Variants in DUSP15 observed in about 807,000 individuals in gnomAD.
The protein encoded by DUSP15 is dual specificity protein phosphatase 15.
A neutral mutation model predicts 26.3 loss-of-function variants in DUSP15; 23 were observed. The observed-to-expected ratio is 0.87, with a 90% CI of 0.63 to 1.24. The LOEUF (loss-of-function observed/expected upper bound fraction) is 1.24. Ranked by LOEUF, DUSP15 falls within the 50% of genes most tolerant of loss-of-function variation. DUSP15 has a pLI of 0.00. For synonymous variants in DUSP15, 143 were observed against 135.5 expected (o/e 1.06, Z -0.39); for missense variants, 364 against 320.6 (o/e 1.14, Z -1.03).
intron 6 of DUSP15, 36 bp downstream of exon 6, chr20:31,862,535 C>A (rs1336039139): frequency 1.9e-6 from 3 of 1,554,888 alleles, no homozygotes; most frequent in East Asian, 2.3e-5. Context: ...GGATCTCCCA[C>A]CCCTGGCCCA....
intron 3 of DUSP15, among the ~76,000 whole-genome samples, chr20:31,865,347 C>T (rs1436835148): frequency 6.6e-6 from 1 of 151,870 alleles, no homozygotes; most frequent in East Asian, 1.9e-4. Context: ...AAAATTACAT[C>T]GTAAAAAAGG....
rs2123330348 is a variant in DUSP15, at chr20:31,870,284, G to A, written c.21+33C>T. The A allele has an allele frequency of 1.6e-6, 2 of 1,228,578 alleles. No individual in the cohort carries two copies. The highest frequency in any genetic ancestry group is 4.1e-5 in the South Asian group (1 of 24,374). 76.1% of individuals were successfully genotyped at this position (1,228,578 alleles called of 1,614,324 possible). ...GCCGGGCCGCGGCGGCCGGGGCGGG[G>A]ACCGGGGAGGCTGCGCGGGGCCCGC... On this transcript the variant is annotated intron_variant, in intron 1 of 6. Coordinates refer to ENST00000339738, the MANE Select transcript of DUSP15 (RefSeq NM_080611.5). This position sits in a 1 kb window ranked among gnomAD's most constrained non-coding sequence, Gnocchi z 6.6.
intron 8 of DUSP15, chr20:31,849,697 T>C (rs1251733178): frequency 6.5e-7 from 1 of 1,534,412 alleles, no homozygotes; most frequent in Non-Finnish European, 8.7e-7. Flanking sequence ...CGGCAGGCCC[T>C]GCAACACGTG....
intron 3 of DUSP15, among the ~76,000 whole-genome samples, chr20:31,865,783 C>A (rs1281558302): frequency 6.6e-6 from 1 of 152,146 alleles, no homozygotes; most frequent in Non-Finnish European, 1.5e-5. Flanking sequence ...CACTTTGCAA[C>A]ACATTTGGCC....
chr20:31,866,227 C>G (rs2062761818), intron 3 of DUSP15, among the ~76,000 whole-genome samples: 1 of 152,204 alleles, frequency 6.6e-6, no homozygotes. Flanking sequence ...ATGGTTCTTT[C>G]TCTCCAGTGG....
At chr20:31,845,684 G>A, downstream of DUSP15, 1 of 994,908 alleles carries the variant, frequency 1.0e-6, no homozygotes, top group South Asian at 1.7e-5. Flanking sequence ...GGGTGGGTCT[G>A]CTGAGCCATC....
upstream of DUSP15, chr20:31,870,536 A>AGCCGCCGCTGCCACCGCC: frequency 6.9e-7 from 1 of 1,448,616 alleles, no homozygotes; most frequent in Non-Finnish European, 9.1e-7. The surrounding 1 kb of genome is among the most constrained non-coding windows in gnomAD (Gnocchi z 6.6). Flanking sequence ...ATGGTGGTGG[A>AGCCGCCGCTGCCACCGCC]GCCGCCGCTG....
At chr20:31,849,673 C>A in intron 8 of DUSP15, 1 of 1,529,370 alleles carries the variant, frequency 6.5e-7, no homozygotes. Context: ...CTGCACACCG[C>A]GCTCCAGGTG....
At chr20:31,845,629 T>A, downstream of DUSP15, 1 of 1,504,774 alleles carries the variant, frequency 6.6e-7, no homozygotes. Flanking sequence ...CCAGGCTGGT[T>A]AAAAGGTCCA....
In DUSP15 at chr20:31,870,101, G is replaced by A. The variant is rs1433035804; in HGVS notation, c.21+216C>T. On this transcript the variant is annotated intron_variant, in intron 1 of 6. Transcript: ENST00000339738. This position sits in a 1 kb window ranked among gnomAD's most constrained non-coding sequence, Gnocchi z 6.6. The stretch of plus-strand genomic sequence containing the variant: ...AGCAAGACAGCGAGAGACACACAGA[G>A]TCACGGAGAGAGGGCGGACACAGCG... 6.4e-6 allele frequency: 8 copies of A among 1,247,984 alleles called. No homozygotes were observed. In the East Asian group the frequency reaches 1.6e-4, roughly 25 times the overall value. The allele number at this position is 1,247,984 out of a possible 1,614,324, so 77.3% of individuals were successfully genotyped here.
intron 7 of DUSP15, chr20:31,850,496 T>A: frequency 3.7e-6 from 4 of 1,079,862 alleles, no homozygotes; most frequent in Non-Finnish European, 5.5e-6. Flanking sequence ...GTTGTGGCTA[T>A]TATTGGGAGC....
At chr20:31,850,086 G>A (rs1464542448) in intron 7 of DUSP15, among the ~76,000 whole-genome samples, 1 of 152,220 alleles carries the variant, frequency 6.6e-6, no homozygotes, top group Non-Finnish European at 1.5e-5. Flanking sequence ...TGATAGTCGA[G>A]CTCTGCGGTT....
rs546061774 is a variant in DUSP15 at position 31,849,774 on chromosome 20, C to T, written c.592G>A (p.Glu198Lys). 225 of 1,539,714 alleles carry T rather than the reference C, an allele frequency of 1.5e-4. No homozygotes were observed. The African/African-American group carries it at 2.7e-3, about 19-fold the overall frequency. ...TGAGGTGGCGGCCCCAGCAGGCGCT[C>T]GGCGGCCGCCCGCGGACTCAGACGA... Residue 198 changes from glutamate (E) to lysine (K), a missense_variant, in exon 8 of 10, where the codon GAG becomes AAG. Glu to Lys is a moderately conservative substitution (Grantham distance 56). Transcript: ENST00000278979.
At chr20:31,866,988 G>A in intron 3 of DUSP15, 83 bp downstream of exon 3, 1 of 1,303,632 alleles carries the variant, frequency 7.7e-7, no homozygotes, top group Non-Finnish European at 1.1e-6. Context: ...AGGAAGCATA[G>A]CACCTAGCAC....
At position 31,849,260 on chromosome 20, in the gene DUSP15, C is replaced by T. The variant is rs1274186182; in HGVS notation, c.629-357G>A. Among the ~76,000 whole-genome samples, 3 of 152,220 alleles carry T rather than the reference C, an allele frequency of 2.0e-5. No individual in the cohort carries two copies. In the East Asian group the frequency reaches 5.8e-4, roughly 29 times the overall value. ...ACCGAAGCCCTATTCTTATGCTGCA[C>T]ACCCAACGCCTCAAGCCTTCTCCAT... is the stretch of plus-strand genomic sequence containing the variant. On this transcript the variant is annotated intron_variant, in intron 8 of 9. Coordinates refer to the DUSP15 transcript ENST00000278979.
chr20:31,867,273 C>T (rs1421079271), intron 2 of DUSP15, 120 bp from the exon 3 acceptor site: 8 of 823,976 alleles, frequency 9.7e-6, no homozygotes, highest in African/African-American at 8.4e-5. Context: ...CCTTGGCCCA[C>T]GCTCTGCCGG....
chr20:31,846,104 G>T (rs557740598), downstream of DUSP15, among the ~76,000 whole-genome samples: 1 of 119,052 alleles, frequency 8.4e-6, no homozygotes, highest in African/African-American at 4.0e-5. Flanking sequence ...AGACATACAC[G>T]TACAGACACA....
exon 10 of DUSP15, chr20:31,848,244 C>T: frequency 1.5e-6 from 1 of 688,306 alleles, no homozygotes; most frequent in South Asian, 2.4e-5. Context: ...GTGTGGCCTA[C>T]TCTCGAGTTC....
At position 31,870,461 on chromosome 20, in the gene DUSP15, C is replaced by T; in HGVS notation, c.-124G>A. ...TGGCGGGGAACGGGGGGCCTGGCGT[C>T]CGCGGCCCTGCCCAGCCCTGCCCAG... On this transcript the variant is annotated 5_prime_UTR_variant, in exon 1 of 7. Coordinates refer to ENST00000339738, the MANE Select transcript of DUSP15 (RefSeq NM_080611.5). The surrounding 1 kb of genome is among the most constrained non-coding windows in gnomAD (Gnocchi z 6.6). 1 of 1,286,444 alleles carries T rather than the reference C, an allele frequency of 7.8e-7. No homozygotes were observed. The highest frequency in any genetic ancestry group is 9.8e-7 in the Non-Finnish European group (1 of 1,021,316). 79.7% of individuals were successfully genotyped at this position (1,286,444 alleles called of 1,614,324 possible).
Sources: allele counts gnomAD v4.1 joint callset (sites outside exome capture counted in the v4.1 genomes callset), GRCh38; gene constraint gnomAD v4.1.1; non-coding constraint Gnocchi (gnomAD v3.1); transcripts MANE v1.5; gene names NCBI Gene and HGNC (gene_info 2026-07-23, HGNC 2026-07-21).